Variants in SUPT6H observed in about 807,000 individuals in gnomAD.
The protein encoded by SUPT6H is transcription elongation factor SPT6.
A neutral mutation model predicts 222.3 loss-of-function variants in SUPT6H; 11 were observed. The observed-to-expected ratio is 0.05, with a 90% confidence interval of 0.03 to 0.08. The LOEUF is 0.08. SUPT6H is among the 10% of genes least tolerant of loss of function. The pLI, the probability that SUPT6H is intolerant of heterozygous loss-of-function variation, is 1.00. For synonymous variants in SUPT6H, 762 were observed against 801.2 expected (o/e 0.95, Z 0.83); for missense variants, 1,422 against 2,216.0 (o/e 0.64, Z 7.19).
intron 27 of SUPT6H, 60 bp downstream of exon 27, chr17:28,691,123 T>C (rs112050300): frequency 2.2e-5 from 34 of 1,560,758 alleles, no homozygotes; most frequent in African/African-American, 2.0e-4. Context: ...TCTCGGTGCC[T>C]AGAAGGGAAT....
chr17:28,698,753 A>G (rs1243122612), intron 32 of SUPT6H, among the ~76,000 whole-genome samples: 1 of 152,234 alleles, frequency 6.6e-6, no homozygotes, highest in Non-Finnish European at 1.5e-5. Flanking sequence ...CTCAGGCTGC[A>G]TTAGTAGGGG....
At chr17:28,663,424 C>T (rs1472541338) in intron 1 of SUPT6H, among the ~76,000 whole-genome samples, 1 of 152,208 alleles carries the variant, frequency 6.6e-6, no homozygotes, top group Non-Finnish European at 1.5e-5. Flanking sequence ...AGATTAATTA[C>T]ATCAGAAAGT....
chr17:28,684,894 A>G lies in SUPT6H; in HGVS notation c.2420A>G (p.Asp807Gly). Residue 807 changes from aspartate (D) to glycine (G), a missense_variant, in exon 19 of 37, where the codon GAC becomes GGC. Around this residue, in one of 13 missense-constraint regions of SUPT6H, gnomAD observed 294 missense variants for 382.1 expected, o/e 0.77. Transcript: ENST00000314616. ...GTCAATGGTGAAGGAGAAGTGACAG[A>G]CTTCCTTCGACTGCCCCATTTTACC... ...ALVNGEGEVT[D>G]FLRLPHFTKR... The G allele has an allele frequency of 6.2e-7, 1 of 1,614,234 alleles. No individual in the cohort carries two copies. Among genetic ancestry groups the G allele is most frequent in the Non-Finnish European group, 8.5e-7 (1 of 1,180,048 alleles).
rs530050269 is a variant in SUPT6H at position 28,673,142 on chromosome 17, C to T, written c.-31-229C>T. 1.0e-4 allele frequency among the ~76,000 whole-genome samples: 15 copies of T among 146,000 alleles called. No homozygotes were observed. In the East Asian group the frequency reaches 1.2e-3, roughly 12 times the overall value. ...CTCCAGCCTGGGTGAGAGAGTGAGACGCCACCTCAAAAAAAAAAAAAAAAA... is the reference window on the plus strand; with the variant it reads ...CTCCAGCCTGGGTGAGAGAGTGAGATGCCACCTCAAAAAAAAAAAAAAAAA... On this transcript the variant is annotated intron_variant, in intron 1 of 36. Coordinates refer to ENST00000314616, the MANE Select transcript of SUPT6H (RefSeq NM_003170.5).
At chr17:28,681,849 A>G (rs1330316889) in intron 12 of SUPT6H, 33 bp from the exon 13 acceptor site, 2 of 1,571,004 alleles carry the variant, frequency 1.3e-6, no homozygotes, top group South Asian at 2.3e-5. Flanking sequence ...ATTGGAAACT[A>G]GAACCCTAAA....
chr17:28,688,001 T>C lies in SUPT6H; in HGVS notation c.3007-90T>C. On this transcript the variant is annotated intron_variant, in intron 23 of 36. Transcript: ENST00000314616. The surrounding 1 kb of genome is among the most constrained non-coding windows in gnomAD (Gnocchi z 4.3). ...CAACTAGATACTGGGTGGGACAGAG[T>C]TTTTGTTATGAGGGTTTAATAGAGA... The C allele has an allele frequency of 7.2e-7, 1 of 1,393,586 alleles. No individual in the cohort carries two copies. Among genetic ancestry groups the C allele is most frequent in the South Asian group, 1.9e-5 (1 of 53,138 alleles). 86.3% of individuals were successfully genotyped at this position (1,393,586 alleles called of 1,614,324 possible).
chr17:28,667,421 A>G (rs1003036501), intron 1 of SUPT6H, among the ~76,000 whole-genome samples: 2 of 133,772 alleles, frequency 1.5e-5, no homozygotes, highest in African/African-American at 5.5e-5. Flanking sequence ...ATATATATAT[A>G]TATATATATA....
intron 1 of SUPT6H, among the ~76,000 whole-genome samples, chr17:28,663,689 T>G (rs2072108752): frequency 1.3e-5 from 2 of 152,022 alleles, no homozygotes; most frequent in Non-Finnish European, 2.9e-5. Context: ...TATGTTCTGG[T>G]ATCCTTCACA....
intron 30 of SUPT6H, among the ~76,000 whole-genome samples, 187 bp from the exon 31 acceptor site, chr17:28,697,433 G>A (rs1250202247): frequency 6.6e-6 from 1 of 152,176 alleles, no homozygotes; most frequent in Admixed American, 6.5e-5. Context: ...GAGAATCAAA[G>A]CCAGGATTTA....
At position 28,674,344 on chromosome 17, in the gene SUPT6H, T is replaced by C. The variant is rs754281592; in HGVS notation, c.171T>C (p.Phe57=). The change falls in exon 3 of 37, where the codon TTT becomes TTC. Residue 57 remains phenylalanine (F), a synonymous_variant. Coordinates refer to ENST00000314616, the MANE Select transcript of SUPT6H (RefSeq NM_003170.5). ...DQDEQGNLKG[F]INDDDDEDEG... ...ATGAGCAAGGCAACTTGAAAGGCTT[T>C]ATCAATGACGATGATGATGAAGATG... 1 of 1,614,178 alleles carries C rather than the reference T, an allele frequency of 6.2e-7. No individual in the cohort carries two copies. The highest frequency in any genetic ancestry group is 1.1e-5 in the South Asian group (1 of 91,074).
At chr17:28,689,300 T>G (rs2031538710) in intron 24 of SUPT6H, 54 bp from the exon 25 acceptor site, 1 of 1,570,626 alleles carries the variant, frequency 6.4e-7, no homozygotes, top group Admixed American at 1.7e-5. Flanking sequence ...ACATTTGGGT[T>G]GTTACTAGAA....
rs147836001 is a variant in SUPT6H, at chr17:28,662,718, C to T, written c.-32+376C>T. On this transcript the variant is annotated intron_variant, in intron 1 of 36. Transcript: ENST00000314616. Reference sequence around the variant, plus strand: ...AGTTGTTTGTTCTGGGGATATGAATCCTGTGGAGCTTTCAGCAGCTCGGCC... The same window carrying T: ...AGTTGTTTGTTCTGGGGATATGAATTCTGTGGAGCTTTCAGCAGCTCGGCC... 1.5e-4 allele frequency among the ~76,000 whole-genome samples: 23 copies of T among 152,312 alleles called. No individual in the cohort carries two copies. In the East Asian group the frequency reaches 4.1e-3, roughly 27 times the overall value.
At chr17:28,692,692 T>C (rs1212888165) in intron 27 of SUPT6H, among the ~76,000 whole-genome samples, 1 of 146,640 alleles carries the variant, frequency 6.8e-6, no homozygotes, top group Non-Finnish European at 1.5e-5. Flanking sequence ...CAAAACCCTA[T>C]CTCTACAAAA....
chr17:28,681,302 C>G lies in SUPT6H; in HGVS notation c.1396C>G (p.His466Asp). Residue 466 changes from histidine to aspartate, a missense_variant, in exon 12 of 37, where the codon CAT becomes GAT. Physicochemically the swap from His to Asp is moderately conservative, Grantham distance 81. Around this residue, in one of 13 missense-constraint regions of SUPT6H, gnomAD observed 389 missense variants for 544.6 expected, o/e 0.71. Coordinates refer to ENST00000314616, the MANE Select transcript of SUPT6H (RefSeq NM_003170.5). The part of the protein sequence containing the change: ...SMDELKDVYN[H>D]FLLYYGRDIP... The stretch of plus-strand genomic sequence containing the variant: ...GGATGAGCTGAAAGATGTCTACAAC[C>G]ATTTTCTTCTTTATTATGGCCGAGA... The G allele has an allele frequency of 6.2e-7, 1 of 1,614,026 alleles. No homozygotes were observed. Among genetic ancestry groups the G allele is most frequent in the Non-Finnish European group, 8.5e-7 (1 of 1,180,000 alleles).
rs372560023 is a variant in SUPT6H, at chr17:28,690,108, C to G, written c.3369C>G (p.Leu1123=). 7.4e-6 allele frequency: 12 copies of G among 1,613,004 alleles called. No homozygotes were observed. The highest frequency in any genetic ancestry group is 1.0e-5 in the Non-Finnish European group (12 of 1,179,966). ...RQGYGDKHIT[L]YDIRAELSCR... Reference sequence around the variant, plus strand: ...GCTATGGTGACAAACACATCACACTCTATGACATCCGGGCAGAGCTGAGCT... The same window carrying G: ...GCTATGGTGACAAACACATCACACTGTATGACATCCGGGCAGAGCTGAGCT... Residue 1123 remains leucine, a synonymous_variant, in exon 26 of 37, where the codon CTC becomes CTG. Coordinates refer to ENST00000314616, the MANE Select transcript of SUPT6H (RefSeq NM_003170.5).
chr17:28,677,912 T>A (rs1459409078), intron 8 of SUPT6H, 96 bp downstream of exon 8: 2 of 1,345,976 alleles, frequency 1.5e-6, no homozygotes, highest in Non-Finnish European at 2.1e-6. Context: ...TCCGTGTGCC[T>A]GGTATTAGAA....
intron 27 of SUPT6H, chr17:28,691,907 G>A (rs2031670486): frequency 6.6e-6 from 1 of 152,146 alleles, no homozygotes; most frequent in Admixed American, 6.6e-5. Flanking sequence ...ATGGCAGACA[G>A]GCATGGTGGC....
At chr17:28,700,107 C>T (rs1160891830) in intron 33 of SUPT6H, 66 bp from the exon 34 acceptor site, 17 of 1,605,734 alleles carry the variant, frequency 1.1e-5, no homozygotes, top group Admixed American at 8.3e-5. Flanking sequence ...GCCCCTTCCA[C>T]CCCCTGAATT....
At chr17:28,699,991 G>A (rs745925672) in intron 33 of SUPT6H, 98 bp downstream of exon 33, 240 of 1,385,082 alleles carry the variant, frequency 1.7e-4, no homozygotes, top group Non-Finnish European at 2.2e-4. Flanking sequence ...TGAGGAGTAG[G>A]CTGTCACTGC....
Sources: gnomAD v4.1 joint callset for allele counts (sites outside exome capture counted in the v4.1 genomes callset) on GRCh38, gnomAD v4.1.1 for gene constraint, gnomAD v4.1.1 regional missense constraint, Gnocchi (gnomAD v3.1) non-coding constraint, MANE v1.5 for transcripts, NCBI Gene and HGNC (gene_info 2026-07-23, HGNC 2026-07-21) for gene names.